Variants in PTK2 observed in about 807,000 individuals in gnomAD.
PTK2 encodes protein tyrosine kinase 2.
PTK2 carries 45 observed loss-of-function variants against 150.1 expected under a neutral mutation model. That is an observed-to-expected ratio of 0.30 (90% confidence interval 0.24 to 0.38). The LOEUF is 0.38. Ranked by LOEUF, PTK2 falls within the 10% of genes least tolerant of loss-of-function variation. The pLI is 1.00. For missense variants in PTK2, 919 were observed against 1,307.3 expected (o/e 0.70, Z 4.58); for synonymous variants, 432 against 449.2 (o/e 0.96, Z 0.48).
intron 2 of PTK2, among the ~76,000 whole-genome samples, chr8:140,908,744 T>C (rs1377403537): frequency 2.0e-5 from 3 of 152,204 alleles, no homozygotes. Flanking sequence ...ATTCTCCTGA[T>C]GTCCAAATCG....
chr8:140,691,472 T>C (rs1193448231), intron 26 of PTK2, among the ~76,000 whole-genome samples: 1 of 152,292 alleles, frequency 6.6e-6, no homozygotes, highest in South Asian at 2.1e-4. Context: ...CTGTATAATA[T>C]ATTGTTGTAA....
At chr8:140,993,556 T>G (rs2100196546) in intron 1 of PTK2, among the ~76,000 whole-genome samples, 1 of 152,162 alleles carries the variant, frequency 6.6e-6, no homozygotes, top group African/African-American at 2.4e-5. Flanking sequence ...CACATAAAAC[T>G]GTTAAGCTCT....
rs778062888 is a variant in PTK2 at position 140,991,141 on chromosome 8, GAAAAGAGC to G, written c.-122+9976_-122+9983del. 1.2e-3 allele frequency among the ~76,000 whole-genome samples: 187 copies of G among 152,262 alleles called. 1 individual carries two copies. Among genetic ancestry groups the G allele is most frequent in the Non-Finnish European group, 1.5e-3 (102 of 68,012 alleles). On this transcript the variant is annotated intron_variant, in intron 1 of 31. Coordinates refer to ENST00000522684, the Ensembl canonical transcript of PTK2. ...ATTTTTATTTACCCTTTTCTTAGGAGAAAAGAGCAAAAGGCAAAAGAATGTATTGAATT... is the reference window on the plus strand; with the variant it reads ...ATTTTTATTTACCCTTTTCTTAGGAGAAAAGGCAAAAGAATGTATTGAATT...
At position 140,832,164 on chromosome 8, in the gene PTK2, C is replaced by T. The variant is rs143039743; in HGVS notation, c.594-1638G>A. The stretch of plus-strand genomic sequence containing the variant: ...TGCCTCCCAGGCTTCGAGCGATTCT[C>T]GTGCCTCAGTATCCCAAGTAGCTGG... On this transcript the variant is annotated intron_variant, in intron 7 of 31. Transcript: ENST00000522684. Among the ~76,000 whole-genome samples the T allele has an allele frequency of 1.2e-3, 180 of 152,316 alleles. 2 individuals are homozygous for T. The highest frequency in any genetic ancestry group is 4.1e-3 in the African/African-American group (170 of 41,580).
chr8:140,685,108 A>G (rs906060519), intron 27 of PTK2, among the ~76,000 whole-genome samples: 2 of 152,062 alleles, frequency 1.3e-5, no homozygotes, highest in Non-Finnish European at 2.9e-5. Context: ...CAACCATCTC[A>G]TCTTTGACAA....
At chr8:140,669,937 C>T (rs1168082342) in intron 29 of PTK2, 1 of 618,754 alleles carries the variant, frequency 1.6e-6, no homozygotes, top group South Asian at 2.0e-5. Flanking sequence ...TGCTCACTGC[C>T]CCAGCATACT....
At chr8:140,877,025 CTTTTTTTTTTT>C (rs60000363) in intron 4 of PTK2, among the ~76,000 whole-genome samples, 1 of 71,828 alleles carries the variant, frequency 1.4e-5, no homozygotes, top group African/African-American at 5.9e-5. Flanking sequence ...TTCACTAATC[CTTTTTTTTTTT>C]TTTTTTTTTT....
At chr8:140,859,414 T>C (rs914989706) in intron 5 of PTK2, among the ~76,000 whole-genome samples, 7 of 152,156 alleles carry the variant, frequency 4.6e-5, no homozygotes, top group African/African-American at 1.7e-4. Flanking sequence ...AGAATAAACA[T>C]ATATCAGATA....
At chr8:140,928,234 G>T (rs959958494) in intron 1 of PTK2, among the ~76,000 whole-genome samples, 1 of 151,796 alleles carries the variant, frequency 6.6e-6, no homozygotes, top group African/African-American at 2.4e-5. Flanking sequence ...CTAAAAATTT[G>T]TATCATTAAA....
Position 140,931,910 on chromosome 8 carries a change from G to T in PTK2, c.-121-6161C>A, listed in dbSNP as rs1015143681. Among the ~76,000 whole-genome samples the T allele has an allele frequency of 8.7e-5, 12 of 137,766 alleles. No individual in the cohort carries two copies. In the Admixed American group the frequency reaches 9.5e-4, roughly 11 times the overall value. 90.4% of individuals were successfully genotyped at this position (137,766 alleles called of 152,430 possible). On this transcript the variant is annotated intron_variant, in intron 1 of 31. Transcript: ENST00000522684. ...ATTGGGCCACTGCACTCCAGCCTGG[G>T]CGACAGAGACCCAGTCTCAAAAAAA... is the stretch of plus-strand genomic sequence containing the variant.
In PTK2 at chr8:140,845,854, T is replaced by C. The variant is rs187119099; in HGVS notation, c.593+406A>G. On this transcript the variant is annotated intron_variant, in intron 7 of 31. Coordinates refer to ENST00000522684, the Ensembl canonical transcript of PTK2. Reference sequence around the variant, plus strand: ...CATTAATTTCATTATTGGAAAAATTTCTAGTTATTCTAGATTTTTCTGATA... The same window carrying C: ...CATTAATTTCATTATTGGAAAAATTCCTAGTTATTCTAGATTTTTCTGATA... Among the ~76,000 whole-genome samples the C allele has an allele frequency of 5.9e-5, 9 of 152,328 alleles. No homozygotes were observed. In the South Asian group the frequency reaches 8.3e-4, roughly 14 times the overall value.
At chr8:140,736,814 T>C (rs2100052858) in intron 21 of PTK2, among the ~76,000 whole-genome samples, 1 of 152,220 alleles carries the variant, frequency 6.6e-6, no homozygotes, top group Non-Finnish European at 1.5e-5. Flanking sequence ...GAAAAGTTTT[T>C]GTCATTTCAA....
At chr8:140,890,174 A>C (rs1210267867) in intron 3 of PTK2, 2 of 192,694 alleles carry the variant, frequency 1.0e-5, no homozygotes, top group Non-Finnish European at 2.1e-5. Context: ...TCATGCAAAT[A>C]CCTTCCAAAT....
intron 14 of PTK2, among the ~76,000 whole-genome samples, chr8:140,775,034 T>C (rs1171672020): frequency 1.3e-5 from 2 of 152,174 alleles, no homozygotes; most frequent in African/African-American, 4.8e-5. Flanking sequence ...GCCTATGGAG[T>C]AGCCATTCTT....
At chr8:140,687,718 C>T (rs535739732) in intron 26 of PTK2, among the ~76,000 whole-genome samples, 2 of 152,274 alleles carry the variant, frequency 1.3e-5, no homozygotes, top group East Asian at 3.9e-4. Context: ...GGCTTTTTGT[C>T]TCTGTCTTAA....
chr8:140,675,455 T>G lies in PTK2; in HGVS notation c.2602+5A>C. 6.2e-7 allele frequency: 1 copy of G among 1,612,602 alleles called. No individual in the cohort carries two copies. Among genetic ancestry groups the G allele is most frequent in the Non-Finnish European group, 8.5e-7 (1 of 1,178,696 alleles). ...TTCTTTCCGCCCAATTCTTTTCTTC[T>G]TTACCTGGTTTACCCACAGGCTGAT... is the stretch of plus-strand genomic sequence containing the variant. On this transcript the variant is annotated splice_donor_5th_base_variant and intron_variant, in intron 28 of 31. Coordinates refer to ENST00000522684, the Ensembl canonical transcript of PTK2.
At chr8:140,945,479 G>T (rs1472199868) in intron 1 of PTK2, among the ~76,000 whole-genome samples, 1 of 152,130 alleles carries the variant, frequency 6.6e-6, no homozygotes, top group Non-Finnish European at 1.5e-5. Flanking sequence ...TCAGCTACTT[G>T]GGAGGTTGAG....
intron 1 of PTK2, among the ~76,000 whole-genome samples, chr8:140,953,875 T>A (rs2100180327): frequency 6.6e-6 from 1 of 152,166 alleles, no homozygotes; most frequent in African/African-American, 2.4e-5. Flanking sequence ...AGCCTCAAAT[T>A]CCCGTGATCC....
intron 23 of PTK2, among the ~76,000 whole-genome samples, chr8:140,717,124 C>T (rs527698197): frequency 3.3e-5 from 5 of 152,200 alleles, no homozygotes; most frequent in Admixed American, 2.0e-4. Flanking sequence ...ACAAACAACC[C>T]AGCCACCAGC....
Sources: gnomAD v4.1 joint callset for allele counts (sites outside exome capture counted in the v4.1 genomes callset) on GRCh38, gnomAD v4.1.1 for gene constraint, MANE v1.5 for transcripts, NCBI Gene and HGNC (gene_info 2026-07-23, HGNC 2026-07-21) for gene names.